The following HERC1 variants were observed in gnomAD, a reference collection of about 807,000 sequenced individuals.
HERC1 encodes probable E3 ubiquitin-protein ligase HERC1.
A neutral mutation model predicts 554.3 loss-of-function variants in HERC1; 160 were observed. The ratio of observed to expected loss-of-function variants is 0.29; its 90% CI spans 0.25 to 0.33. The LOEUF (loss-of-function observed/expected upper bound fraction) is 0.33, where lower values mean the gene tolerates loss of function less well. HERC1 is among the 10% of genes least tolerant of loss of function. The pLI is 1.00. For synonymous variants in HERC1, 2,175 were observed against 2,131.7 expected, an observed-to-expected ratio of 1.02 and a Z score of -0.56; for missense variants, 4,919 against 5,918.5, an observed-to-expected ratio of 0.83 and a Z score of 5.54.
chr15:63,759,596 A>G (rs1047899997), intron 3 of HERC1, among the ~76,000 whole-genome samples: 4 of 152,312 alleles, frequency 2.6e-5, no homozygotes, highest in Non-Finnish European at 5.9e-5. Flanking sequence ...TTTGTTTACT[A>G]TATTTTGTGA....
chr15:63,670,981 C>A (rs374710929), intron 39 of HERC1, among the ~76,000 whole-genome samples: 6 of 151,940 alleles, frequency 3.9e-5, no homozygotes, highest in African/African-American at 1.5e-4. Flanking sequence ...GTGGGCAGAT[C>A]CCCTGAGGTT....
At chr15:63,614,268 G>T (rs569559535) in intron 76 of HERC1, among the ~76,000 whole-genome samples, 2 of 152,172 alleles carry the variant, frequency 1.3e-5, no homozygotes, top group South Asian at 2.1e-4. Flanking sequence ...CTGGTTTGGG[G>T]TCTTGGCTCT....
At chr15:63,750,847 C>T (rs1365218518) in intron 8 of HERC1, among the ~76,000 whole-genome samples, 1 of 152,126 alleles carries the variant, frequency 6.6e-6, no homozygotes, top group African/African-American at 2.4e-5. Context: ...TGGGGAAGAT[C>T]TCTTGAGCCC....
chr15:63,796,717 T>C (rs545349147), intron 1 of HERC1, among the ~76,000 whole-genome samples: 86 of 152,340 alleles, frequency 5.6e-4, no homozygotes, highest in African/African-American at 1.4e-3. Flanking sequence ...GCTGGACAAC[T>C]TGAAGCAGAA....
At chr15:63,744,158 G>GTCTCTCTCTCTCTCTCTC (rs2074955943) in intron 12 of HERC1, among the ~76,000 whole-genome samples, 1 of 42,306 alleles carries the variant, frequency 2.4e-5, no homozygotes, top group African/African-American at 7.4e-5. Context: ...GTGTGTGTGT[G>GTCTCTCTCTCTCTCTCTC]TGTGTGTCTC....
chr15:63,731,544 A>G (rs2074292686), intron 14 of HERC1, among the ~76,000 whole-genome samples: 1 of 152,150 alleles, frequency 6.6e-6, no homozygotes, highest in South Asian at 2.1e-4. Flanking sequence ...GTTCTTATCC[A>G]TTTGCAGCCA....
At chr15:63,829,625 A>G (rs918441332) in intron 1 of HERC1, among the ~76,000 whole-genome samples, 12 of 145,994 alleles carry the variant, frequency 8.2e-5, no homozygotes, top group South Asian at 2.2e-4. Flanking sequence ...AGTTCTGCCA[A>G]CTGAAGTCCT....
At chr15:63,751,334 C>T (rs1249208550) in intron 8 of HERC1, among the ~76,000 whole-genome samples, 6 of 152,182 alleles carry the variant, frequency 3.9e-5, no homozygotes, top group Admixed American at 6.5e-5. Flanking sequence ...GAGCAATAGG[C>T]TATACCATAT....
At chr15:63,797,678 T>C (rs2076853849) in intron 1 of HERC1, among the ~76,000 whole-genome samples, 1 of 152,234 alleles carries the variant, frequency 6.6e-6, no homozygotes, top group Non-Finnish European at 1.5e-5. Flanking sequence ...GCCAGCCTCC[T>C]GTCAATTAAA....
In HERC1 at chr15:63,727,334, A is replaced by G. The variant is rs1310880889; in HGVS notation, c.3346+313T>C. ...CAACTCCATATAAAGCCTAATCAAC[A>G]TCCTGATATGGTTGTAAATTTGACA... On this transcript the variant is annotated intron_variant, in intron 17 of 77. Coordinates refer to ENST00000443617, the MANE Select transcript of HERC1 (RefSeq NM_003922.4). The surrounding 1 kb of genome is among the most constrained non-coding windows in gnomAD (Gnocchi z 4.3). Among the ~76,000 whole-genome samples the G allele has an allele frequency of 6.6e-6, 1 of 152,172 alleles. No homozygotes were observed. Among genetic ancestry groups the G allele is most frequent in the Non-Finnish European group, 1.5e-5 (1 of 68,020 alleles).
In HERC1 at chr15:63,633,991, C is replaced by T. The variant is rs755958301; in HGVS notation, c.12571-21G>A. On this transcript the variant is annotated intron_variant, in intron 66 of 77. Transcript: ENST00000443617. ...GCCACCTAAAGAAATAACAGCATTC[C>T]GTAAGGCAAATCACAAGACCTAAAA... is the stretch of plus-strand genomic sequence containing the variant. 2.6e-5 allele frequency: 42 copies of T among 1,613,246 alleles called. 1 individual carries two copies. The highest frequency in any genetic ancestry group is 1.0e-4 in the Admixed American group (6 of 59,956).
chr15:63,661,226 C>A (rs1443746251), intron 45 of HERC1, among the ~76,000 whole-genome samples: 1 of 152,122 alleles, frequency 6.6e-6, no homozygotes, highest in Admixed American at 6.5e-5. Context: ...GATTATTTTA[C>A]CAAACTACTG....
At position 63,612,168 on chromosome 15, in the gene HERC1, A is replaced by AC; in HGVS notation, c.14400+82dup. On this transcript the variant is annotated intron_variant, in intron 77 of 77. Coordinates refer to ENST00000443617, the MANE Select transcript of HERC1 (RefSeq NM_003922.4). The surrounding 1 kb of genome is among the most constrained non-coding windows in gnomAD (Gnocchi z 5.0). Reference sequence around the variant, plus strand: ...ATGCCACTGCACTCCAGCCTGGGCCACAGAGTGAGACCCTGTCTCAACAAA... The same window carrying AC: ...ATGCCACTGCACTCCAGCCTGGGCCACCAGAGTGAGACCCTGTCTCAACAAA... 1.6e-6 allele frequency: 2 copies of AC among 1,265,648 alleles called. No individual in the cohort carries two copies. The highest frequency in any genetic ancestry group is 2.2e-6 in the Non-Finnish European group (2 of 918,878). The allele number at this position is 1,265,648 out of a possible 1,614,324, so 78.4% of individuals were successfully genotyped here.
At chr15:63,695,217 T>G (rs944567540) in intron 27 of HERC1, among the ~76,000 whole-genome samples, 1 of 146,542 alleles carries the variant, frequency 6.8e-6, no homozygotes, top group Non-Finnish European at 1.5e-5. Flanking sequence ...TTGTATTTTC[T>G]GTAGAGACAG....
rs1276135921 is a variant in HERC1, at chr15:63,678,013, A to G, written c.6902T>C (p.Ile2301Thr). The change falls in exon 37 of 78, where the codon ATA becomes ACA. Residue 2301 changes from isoleucine (I) to threonine (T), a missense_variant. By Grantham distance (89) the Ile-to-Thr change is moderately conservative. This residue lies in a region of HERC1 where 1,963 missense variants were observed against 2,228.6 expected (regional missense o/e 0.88). Transcript: ENST00000443617. ...CACAGCCAGCACGGGCCACACCTCT[A>G]TGCAAAGAGTCCTCAGCTGCAGCTC... is the stretch of plus-strand genomic sequence containing the variant. The part of the protein sequence containing the change: ...LSELQLRTLC[I>T]EVWPVLAVIG... The G allele has an allele frequency of 2.5e-6, 4 of 1,613,814 alleles. No homozygotes were observed. Among genetic ancestry groups the G allele is most frequent in the Non-Finnish European group, 1.7e-6 (2 of 1,179,882 alleles).
intron 77 of HERC1, among the ~76,000 whole-genome samples, chr15:63,609,923 G>T (rs940773992): frequency 1.3e-5 from 2 of 152,046 alleles, no homozygotes; most frequent in Non-Finnish European, 2.9e-5. Flanking sequence ...GAGGTTAAAG[G>T]CAGAAAAAAT....
At position 63,636,762 on chromosome 15, in the gene HERC1, C is replaced by T. The variant is rs548113587; in HGVS notation, c.12233-620G>A. On this transcript the variant is annotated intron_variant, in intron 64 of 77. Coordinates refer to ENST00000443617, the MANE Select transcript of HERC1 (RefSeq NM_003922.4). ...TCTCATTTTCTACTTTCACATAGCA[C>T]CTATGAAACAGATACTAACATCCCA... Among the ~76,000 whole-genome samples, 7 of 152,210 alleles carry T rather than the reference C, an allele frequency of 4.6e-5. No individual in the cohort carries two copies. The South Asian group carries it at 1.5e-3, about 32-fold the overall frequency.
At chr15:63,685,832 A>T (rs1416272774) in intron 34 of HERC1, among the ~76,000 whole-genome samples, 2 of 152,248 alleles carry the variant, frequency 1.3e-5, no homozygotes, top group South Asian at 2.1e-4. Flanking sequence ...CTTGACTGGT[A>T]AACAGTCCCC....
At chr15:63,700,412 T>C (rs561031797) in intron 25 of HERC1, among the ~76,000 whole-genome samples, 1 of 152,178 alleles carries the variant, frequency 6.6e-6, no homozygotes, top group East Asian at 1.9e-4. Flanking sequence ...AGATAACTAC[T>C]TAAACACTAA....
Sources: allele counts gnomAD v4.1 joint callset (sites outside exome capture counted in the v4.1 genomes callset), GRCh38; gene constraint gnomAD v4.1.1; regional missense constraint gnomAD v4.1.1; non-coding constraint Gnocchi (gnomAD v3.1); transcripts MANE v1.5; gene names NCBI Gene and HGNC (gene_info 2026-07-23, HGNC 2026-07-21).